The following FBXL7 variants were observed in gnomAD, a reference collection of about 807,000 sequenced individuals.
FBXL7 encodes F-box and leucine rich repeat protein 7.
FBXL7 carries 12 observed loss-of-function variants against 38.3 expected under a neutral mutation model. The observed-to-expected ratio is 0.31, with a 90% CI of 0.20 to 0.51. FBXL7 has a LOEUF of 0.51. Ranked by LOEUF, FBXL7 falls within the 20% of genes least tolerant of loss-of-function variation. The pLI is 0.98. For missense variants in FBXL7, 567 were observed against 676.4 expected (o/e 0.84, Z 1.79); for synonymous variants, 297 against 300.9 (o/e 0.99, Z 0.13).
intron 2 of FBXL7, among the ~76,000 whole-genome samples, chr5:15,628,169 G>T (rs1740879794): frequency 6.6e-6 from 1 of 152,114 alleles, no homozygotes; most frequent in Non-Finnish European, 1.5e-5. Flanking sequence ...AGCGGCTAGT[G>T]GTTTTCAAGA....
chr5:15,782,498 A>G (rs1379037345), intron 2 of FBXL7, among the ~76,000 whole-genome samples: 2 of 152,146 alleles, frequency 1.3e-5, no homozygotes, highest in Non-Finnish European at 2.9e-5. Context: ...TCGTTTCCTG[A>G]CTTTTTAACA....
At chr5:15,773,241 AGAAAG>A (rs1258223745) in intron 2 of FBXL7, among the ~76,000 whole-genome samples, 2 of 152,190 alleles carry the variant, frequency 1.3e-5, no homozygotes, top group African/African-American at 2.4e-5. Context: ...ACATATAAAT[AGAAAG>A]GAAAGGCCCA....
At chr5:15,568,161 G>A (rs1437597573) in intron 1 of FBXL7, among the ~76,000 whole-genome samples, 7 of 151,972 alleles carry the variant, frequency 4.6e-5, no homozygotes, top group Admixed American at 3.3e-4. Flanking sequence ...AGATCCCTGA[G>A]GAATCGCCAC....
At chr5:15,673,767 A>G (rs768115245) in intron 2 of FBXL7, among the ~76,000 whole-genome samples, 7 of 151,728 alleles carry the variant, frequency 4.6e-5, no homozygotes, top group Admixed American at 6.6e-5. Context: ...TTGGCTCTTA[A>G]TTATTATTAT....
chr5:15,589,253 G>A lies in FBXL7; in HGVS notation c.38-26730G>A, dbSNP rs546391823. The stretch of plus-strand genomic sequence containing the variant: ...TGATATGGTTTGGATTTCTGTCCCC[G>A]CCCAAATCTCATGTTGATTTGTAAT... On this transcript the variant is annotated intron_variant, in intron 1 of 3. Coordinates refer to ENST00000504595, the MANE Select transcript of FBXL7 (RefSeq NM_012304.5). Among the ~76,000 whole-genome samples the A allele has an allele frequency of 1.6e-4, 24 of 152,082 alleles. No homozygotes were observed. The South Asian group carries it at 4.2e-3, about 26-fold the overall frequency.
In FBXL7 at chr5:15,917,603, G is replaced by A. The variant is rs541446212; in HGVS notation, c.128-10287G>A. Reference sequence around the variant, plus strand: ...AGCCTGGGTGACAGAGTAAGACCCTGTCTCAAAAATAAAGTAAATGAAAGA... The same window carrying A: ...AGCCTGGGTGACAGAGTAAGACCCTATCTCAAAAATAAAGTAAATGAAAGA... On this transcript the variant is annotated intron_variant, in intron 2 of 3. Transcript: ENST00000504595. Among the ~76,000 whole-genome samples, 275 of 148,774 alleles carry A rather than the reference G, an allele frequency of 1.8e-3. 3 individuals are homozygous for A. The highest frequency in any genetic ancestry group is 7.3e-3 in the Middle Eastern group (2 of 274).
chr5:15,793,658 T>C (rs192687762), intron 2 of FBXL7, among the ~76,000 whole-genome samples: 1 of 152,342 alleles, frequency 6.6e-6, no homozygotes, highest in East Asian at 1.9e-4. Context: ...TTTAGGAGTT[T>C]AGTGCACTGT....
At chr5:15,681,321 C>T (rs966492720) in intron 2 of FBXL7, among the ~76,000 whole-genome samples, 1 of 152,104 alleles carries the variant, frequency 6.6e-6, no homozygotes, top group Non-Finnish European at 1.5e-5. Flanking sequence ...TGGAAATAAC[C>T]TGTATACTCA....
intron 2 of FBXL7, among the ~76,000 whole-genome samples, chr5:15,753,781 C>T (rs1220933940): frequency 1.3e-5 from 2 of 152,058 alleles, no homozygotes; most frequent in East Asian, 3.9e-4. Context: ...TGGGATCATC[C>T]CCCTTCAAAA....
At chr5:15,569,994 G>A (rs1370354124) in intron 1 of FBXL7, among the ~76,000 whole-genome samples, 1 of 152,170 alleles carries the variant, frequency 6.6e-6, no homozygotes, top group South Asian at 2.1e-4. Flanking sequence ...CGGTTTGCCA[G>A]TATTTTATTG....
intron 1 of FBXL7, among the ~76,000 whole-genome samples, chr5:15,587,810 T>TA (rs1739345984): frequency 1.3e-5 from 2 of 152,182 alleles, no homozygotes; most frequent in African/African-American, 4.8e-5. Flanking sequence ...TTTTAAAGAT[T>TA]AAAAAAGAAA....
intron 2 of FBXL7, among the ~76,000 whole-genome samples, chr5:15,916,783 T>C (rs1741595629): frequency 6.6e-6 from 1 of 152,230 alleles, no homozygotes; most frequent in Admixed American, 6.5e-5. Context: ...TTTATCTTTA[T>C]CTTCCCTCCA....
chr5:15,829,260 G>A (rs1227883024), intron 2 of FBXL7, among the ~76,000 whole-genome samples: 1 of 152,088 alleles, frequency 6.6e-6, no homozygotes, highest in Non-Finnish European at 1.5e-5. Context: ...TGTGGTGGTG[G>A]TGGTGGTGGT....
chr5:15,875,437 A>T (rs1469983158), intron 2 of FBXL7, among the ~76,000 whole-genome samples: 1 of 152,238 alleles, frequency 6.6e-6, no homozygotes, highest in Admixed American at 6.5e-5. Flanking sequence ...TCTGCACAGG[A>T]AAAGAAACTA....
chr5:15,655,442 C>T (rs543962134), intron 2 of FBXL7, among the ~76,000 whole-genome samples: 4 of 150,800 alleles, frequency 2.7e-5, no homozygotes, highest in East Asian at 2.0e-4. Context: ...TGCAGTGAGC[C>T]GAGATCTCGT....
chr5:15,653,330 A>G (rs1561070973), intron 2 of FBXL7, among the ~76,000 whole-genome samples: 1 of 152,214 alleles, frequency 6.6e-6, no homozygotes, highest in Non-Finnish European at 1.5e-5. Flanking sequence ...ATGAGGCACA[A>G]TAAAGCAAAG....
At chr5:15,545,131 T>C (rs541796489) in intron 1 of FBXL7, among the ~76,000 whole-genome samples, 2 of 152,348 alleles carry the variant, frequency 1.3e-5, no homozygotes, top group East Asian at 3.9e-4. Context: ...TTATTTCTTC[T>C]GACTCCATTC....
chr5:15,734,952 A>T (rs899466302), intron 2 of FBXL7, among the ~76,000 whole-genome samples: 1 of 152,096 alleles, frequency 6.6e-6, no homozygotes, highest in East Asian at 1.9e-4. Context: ...TTTTTTTGAG[A>T]CAGAGTTTTG....
At chr5:15,734,088 C>G (rs1010709494) in intron 2 of FBXL7, among the ~76,000 whole-genome samples, 6 of 148,810 alleles carry the variant, frequency 4.0e-5, no homozygotes, top group African/African-American at 1.5e-4. Context: ...GCACCCCAGC[C>G]TGGGCTATAG....
Sources: gnomAD v4.1 joint callset for allele counts (sites outside exome capture counted in the v4.1 genomes callset) on GRCh38, gnomAD v4.1.1 for gene constraint, MANE v1.5 for transcripts, NCBI Gene and HGNC (gene_info 2026-07-23, HGNC 2026-07-21) for gene names.